The following ERI3 variants were observed in gnomAD, a reference collection of about 807,000 sequenced individuals.
ERI3 encodes ERI1 exoribonuclease family member 3, also known as ERI1 exoribonuclease 3.
Under a neutral mutation model 44.4 loss-of-function variants are expected in ERI3, and 18 were observed. That is an observed-to-expected ratio of 0.41 (90% CI 0.28 to 0.60). ERI3 has a LOEUF of 0.60. Among genes scored for constraint, ERI3 ranks in the 20% least tolerant of loss-of-function variants. The pLI is 0.36. For missense variants in ERI3, 294 were observed against 435.5 expected (o/e 0.68, Z 2.89); for synonymous variants, 183 against 164.8 (o/e 1.11, Z -0.84).
At chr1:44,279,942 C>T (rs752250696) in intron 7 of ERI3, among the ~76,000 whole-genome samples, 1 of 152,176 alleles carries the variant, frequency 6.6e-6, no homozygotes, top group African/African-American at 2.4e-5. Context: ...GGAAACTATA[C>T]CTCACTGAAC....
intron 3 of ERI3, among the ~76,000 whole-genome samples, chr1:44,325,470 A>G (rs1646293068): frequency 6.6e-6 from 1 of 152,162 alleles, no homozygotes; most frequent in Non-Finnish European, 1.5e-5. Flanking sequence ...GAAATTTCAC[A>G]CCCACGATCA....
At chr1:44,323,776 G>A (rs1476870210) in intron 3 of ERI3, among the ~76,000 whole-genome samples, 1 of 152,230 alleles carries the variant, frequency 6.6e-6, no homozygotes, top group Non-Finnish European at 1.5e-5. Context: ...GCCCAAAGAT[G>A]TTAACTCACT....
chr1:44,340,623 G>A (rs1440938320), intron 2 of ERI3, among the ~76,000 whole-genome samples: 1 of 152,194 alleles, frequency 6.6e-6, no homozygotes, highest in Non-Finnish European at 1.5e-5. Context: ...CACTGAATGA[G>A]CTACAGTAAC....
At chr1:44,224,625 TGAA>T (rs1643990907) in intron 8 of ERI3, among the ~76,000 whole-genome samples, 1 of 152,188 alleles carries the variant, frequency 6.6e-6, no homozygotes, top group African/African-American at 2.4e-5. Flanking sequence ...CTCCTCTTTC[TGAA>T]GAAAAGGCAA....
At chr1:44,279,656 GA>G (rs1351415205) in intron 7 of ERI3, among the ~76,000 whole-genome samples, 2 of 152,074 alleles carry the variant, frequency 1.3e-5, no homozygotes, top group East Asian at 3.8e-4. Flanking sequence ...TTCCAATTCT[GA>G]AACTTCTCCT....
chr1:44,298,973 C>T (rs1238550250), intron 6 of ERI3, among the ~76,000 whole-genome samples: 2 of 152,096 alleles, frequency 1.3e-5, no homozygotes, highest in Non-Finnish European at 2.9e-5. Context: ...TAAAAACTAA[C>T]CAAAACTAAC....
chr1:44,287,358 G>C (rs754187822), intron 6 of ERI3, among the ~76,000 whole-genome samples: 10 of 152,346 alleles, frequency 6.6e-5, no homozygotes, highest in Non-Finnish European at 1.3e-4. Flanking sequence ...TTCCACTCCA[G>C]AAAGTTCAAG....
At chr1:44,229,953 T>C (rs530982588) in intron 8 of ERI3, among the ~76,000 whole-genome samples, 26 of 152,042 alleles carry the variant, frequency 1.7e-4, no homozygotes, top group Non-Finnish European at 3.4e-4. Context: ...ATGGCAACCC[T>C]AGGGCAGAGC....
In ERI3 at chr1:44,319,174, T is replaced by A. The variant is rs112485127; in HGVS notation, c.606+454A>T. 8.5e-3 allele frequency among the ~76,000 whole-genome samples: 1,294 copies of A among 152,362 alleles called. 18 individuals are homozygous for A. Among genetic ancestry groups the A allele is most frequent in the African/African-American group, 0.029 (1,198 of 41,580 alleles). ...CTCTTCTCTTCCCTCGGTGACAGAA[T>A]GTACCTTCGACAAACTCAACCTACG... On this transcript the variant is annotated intron_variant, in intron 4 of 8. Coordinates refer to ENST00000372257, the MANE Select transcript of ERI3 (RefSeq NM_024066.3).
At position 44,355,235 on chromosome 1, in the gene ERI3, A is replaced by T. The variant is rs1646978489; in HGVS notation, c.-209T>A. 8.5e-7 allele frequency: 1 copy of T among 1,178,972 alleles called. No homozygotes were observed. Among genetic ancestry groups the T allele is most frequent in the Non-Finnish European group, 1.0e-6 (1 of 954,362 alleles). The allele number at this position is 1,178,972 out of a possible 1,614,324, so 73.0% of individuals were successfully genotyped here. ...CGCCTGAACAGCGGCAGCCAGCACCACGAGTCCACAACACACCGACTCACC... is the reference window on the plus strand; with the variant it reads ...CGCCTGAACAGCGGCAGCCAGCACCTCGAGTCCACAACACACCGACTCACC... On this transcript the variant is annotated 5_prime_UTR_variant, in exon 1 of 9. Transcript: ENST00000372257.
intron 8 of ERI3, among the ~76,000 whole-genome samples, chr1:44,224,988 T>C (rs1168136729): frequency 1.3e-5 from 2 of 152,170 alleles, no homozygotes; most frequent in Non-Finnish European, 2.9e-5. Flanking sequence ...GTGAGGAAGC[T>C]TGGCAGAAGA....
chr1:44,225,204 A>G (rs1644006935), intron 8 of ERI3, among the ~76,000 whole-genome samples: 1 of 152,178 alleles, frequency 6.6e-6, no homozygotes, highest in Non-Finnish European at 1.5e-5. Context: ...GTGAGGTGGC[A>G]GGGAGCACAG....
chr1:44,303,926 C>A (rs1233605051), intron 6 of ERI3, among the ~76,000 whole-genome samples: 1 of 152,014 alleles, frequency 6.6e-6, no homozygotes, highest in Non-Finnish European at 1.5e-5. Context: ...TAGGGCAGGG[C>A]AGTAGGGATG....
intron 2 of ERI3, among the ~76,000 whole-genome samples, chr1:44,352,039 TA>T (rs1646901447): frequency 6.6e-6 from 1 of 152,192 alleles, no homozygotes; most frequent in Non-Finnish European, 1.5e-5. Flanking sequence ...CATGAATTTG[TA>T]AGCTCTATGG....
At chr1:44,312,686 G>A (rs1485335032) in intron 5 of ERI3, among the ~76,000 whole-genome samples, 4 of 152,252 alleles carry the variant, frequency 2.6e-5, no homozygotes, top group Non-Finnish European at 5.9e-5. Flanking sequence ...TGGGGCAGGC[G>A]GGCCCAGCCA....
At chr1:44,339,421 G>T in intron 2 of ERI3, 99 bp from the exon 3 acceptor site, 2 of 1,275,254 alleles carry the variant, frequency 1.6e-6, no homozygotes, top group African/African-American at 1.5e-5. Context: ...CTGTGGCCCT[G>T]TTCCATCTAG....
chr1:44,300,746 G>A (rs1316703110), intron 6 of ERI3, among the ~76,000 whole-genome samples: 1 of 152,170 alleles, frequency 6.6e-6, no homozygotes, highest in Non-Finnish European at 1.5e-5. Context: ...GCAGGAGGGG[G>A]CTTTCATGTT....
intron 7 of ERI3, among the ~76,000 whole-genome samples, chr1:44,261,307 A>G (rs1644889385): frequency 6.6e-6 from 1 of 152,256 alleles, no homozygotes; most frequent in African/African-American, 2.4e-5. Context: ...GGCGCGAGTC[A>G]GTCTGGAGTG....
At chr1:44,226,024 G>C (rs183686855) in intron 8 of ERI3, among the ~76,000 whole-genome samples, 1 of 152,302 alleles carries the variant, frequency 6.6e-6, no homozygotes, top group African/African-American at 2.4e-5. Context: ...AGGACGCATG[G>C]AAAAGTTATC....
Sources: gnomAD v4.1 joint callset for allele counts (sites outside exome capture counted in the v4.1 genomes callset) on GRCh38, gnomAD v4.1.1 for gene constraint, MANE v1.5 for transcripts, NCBI Gene and HGNC (gene_info 2026-07-23, HGNC 2026-07-21) for gene names.